Variants in NCAM2 observed in about 807,000 individuals in gnomAD.
The protein encoded by NCAM2 is neural cell adhesion molecule 2.
NCAM2 carries 30 observed loss-of-function variants against 98.1 expected under a neutral mutation model. The ratio of observed to expected loss-of-function variants is 0.31; its 90% CI spans 0.23 to 0.41. The LOEUF (loss-of-function observed/expected upper bound fraction) is 0.41. NCAM2 is among the 10% of genes least tolerant of loss of function. NCAM2 has a pLI of 1.00. For missense variants in NCAM2, 867 were observed against 1,005.8 expected, an observed-to-expected ratio of 0.86 and a Z score of 1.87; for synonymous variants, 368 against 342.4, an observed-to-expected ratio of 1.07 and a Z score of -0.83.
chr21:21,473,673 CTGA>C (rs1399513515), intron 14 of NCAM2, among the ~76,000 whole-genome samples: 1 of 151,712 alleles, frequency 6.6e-6, no homozygotes, highest in East Asian at 1.9e-4. Context: ...TAAAATGATG[CTGA>C]TAATACATTT....
chr21:21,026,830 G>A (rs1282175090), intron 1 of NCAM2, among the ~76,000 whole-genome samples: 15 of 150,104 alleles, frequency 1.0e-4, no homozygotes, highest in African/African-American at 3.7e-4. Flanking sequence ...TTTAACCATG[G>A]CAAATGTTTT....
intron 1 of NCAM2, among the ~76,000 whole-genome samples, chr21:21,162,338 T>G (rs970057818): frequency 7.2e-5 from 11 of 152,220 alleles, no homozygotes; most frequent in African/African-American, 2.4e-4. Context: ...GAAAAATATT[T>G]TTCCTATTAA....
intron 1 of NCAM2, among the ~76,000 whole-genome samples, chr21:21,056,050 G>T (rs1048268168): frequency 8.6e-5 from 13 of 151,716 alleles, no homozygotes; most frequent in Admixed American, 4.6e-4. Flanking sequence ...CTCTCTCTAG[G>T]TAAAGAAATT....
chr21:21,082,479 T>G (rs1195184083), intron 1 of NCAM2, among the ~76,000 whole-genome samples: 2 of 152,152 alleles, frequency 1.3e-5, no homozygotes, highest in Non-Finnish European at 2.9e-5. Flanking sequence ...TAAATTTAGT[T>G]TTAAAAGTAG....
intron 1 of NCAM2, among the ~76,000 whole-genome samples, chr21:21,184,396 A>G (rs1456269423): frequency 1.3e-5 from 2 of 152,120 alleles, no homozygotes; most frequent in Admixed American, 6.6e-5. Flanking sequence ...ACTGTGGAGT[A>G]CATTTTGGTA....
chr21:21,003,195 G>T (rs2064051327), intron 1 of NCAM2, among the ~76,000 whole-genome samples: 1 of 152,114 alleles, frequency 6.6e-6, no homozygotes, highest in Non-Finnish European at 1.5e-5. Flanking sequence ...AGACATTTTA[G>T]AAAGCTGTGA....
chr21:21,194,877 G>C (rs1303055319), intron 1 of NCAM2, among the ~76,000 whole-genome samples: 1 of 152,042 alleles, frequency 6.6e-6, no homozygotes, highest in Non-Finnish European at 1.5e-5. Context: ...CTTTTGCCTA[G>C]AAGTTTGTAC....
chr21:21,033,339 C>T (rs1043510377), intron 1 of NCAM2, among the ~76,000 whole-genome samples: 11 of 152,016 alleles, frequency 7.2e-5, no homozygotes, highest in African/African-American at 2.7e-4. Flanking sequence ...AAATTTGTCC[C>T]CTGAAACTTT....
intron 1 of NCAM2, among the ~76,000 whole-genome samples, chr21:21,162,060 T>C (rs933403846): frequency 1.3e-5 from 2 of 152,114 alleles, no homozygotes; most frequent in Non-Finnish European, 2.9e-5. Context: ...TAGGATCTTA[T>C]TGTGTGTGTC....
chr21:21,206,357 C>T (rs2069437566), intron 1 of NCAM2, among the ~76,000 whole-genome samples: 1 of 152,062 alleles, frequency 6.6e-6, no homozygotes, highest in Admixed American at 6.6e-5. Context: ...AAACAGCCTT[C>T]AAAAACTTAT....
chr21:21,059,462 A>C (rs191007457), intron 1 of NCAM2, among the ~76,000 whole-genome samples: 40 of 152,248 alleles, frequency 2.6e-4, no homozygotes, highest in African/African-American at 9.4e-4. Context: ...GCTGAGTTGT[A>C]TATGCCAAGA....
chr21:21,490,668 T>A (rs1986775018), intron 15 of NCAM2, among the ~76,000 whole-genome samples: 1 of 151,930 alleles, frequency 6.6e-6, no homozygotes, highest in Non-Finnish European at 1.5e-5. Context: ...CTGTTTTAAA[T>A]AGTGTACACA....
chr21:21,220,506 C>A (rs8126840), intron 1 of NCAM2, among the ~76,000 whole-genome samples: 1 of 152,040 alleles, frequency 6.6e-6, no homozygotes, highest in Non-Finnish European at 1.5e-5. Flanking sequence ...CAAATTCTAT[C>A]ATGTCACATA....
At chr21:21,201,906 G>T (rs901102923) in intron 1 of NCAM2, among the ~76,000 whole-genome samples, 3 of 152,052 alleles carry the variant, frequency 2.0e-5, no homozygotes, top group Non-Finnish European at 4.4e-5. Context: ...CAGAAAATAT[G>T]GATGGGTCTC....
chr21:21,265,198 A>G (rs1311498132), intron 1 of NCAM2, among the ~76,000 whole-genome samples: 1 of 123,604 alleles, frequency 8.1e-6, no homozygotes, highest in Non-Finnish European at 1.6e-5. Context: ...ATATGTGTGT[A>G]TGTATGTGTG....
chr21:21,231,153 C>T (rs1166930918), intron 1 of NCAM2, among the ~76,000 whole-genome samples: 1 of 151,106 alleles, frequency 6.6e-6, no homozygotes, highest in Non-Finnish European at 1.5e-5. Context: ...AAGTACAATG[C>T]CAAAAGTACC....
At position 21,521,086 on chromosome 21, in the gene NCAM2, G is replaced by T. The variant is rs370382340; in HGVS notation, c.2282+12031G>T. ...CTGTTTAACCAGAGCCTAACATGGG[G>T]TTTTTAACAGAGCCTAACTGACCCG... is the stretch of plus-strand genomic sequence containing the variant. On this transcript the variant is annotated intron_variant, in intron 16 of 17. Coordinates refer to ENST00000400546, the MANE Select transcript of NCAM2 (RefSeq NM_004540.5). Among the ~76,000 whole-genome samples the T allele has an allele frequency of 2.6e-3, 395 of 152,244 alleles. 1 individual carries two copies. The highest frequency in any genetic ancestry group is 8.3e-3 in the African/African-American group (345 of 41,548).
chr21:21,147,552 G>T (rs2067317117), intron 1 of NCAM2, among the ~76,000 whole-genome samples: 1 of 150,968 alleles, frequency 6.6e-6, no homozygotes, highest in Admixed American at 6.6e-5. Context: ...ATACATACAT[G>T]CCGTGGTATA....
At chr21:21,132,032 G>C (rs77300113) in intron 1 of NCAM2, among the ~76,000 whole-genome samples, 3 of 152,174 alleles carry the variant, frequency 2.0e-5, no homozygotes, top group African/African-American at 7.2e-5. Context: ...CTGGGTGTTA[G>C]CATCTGTTAC....
Sources: gnomAD v4.1 joint callset for allele counts (sites outside exome capture counted in the v4.1 genomes callset) on GRCh38, gnomAD v4.1.1 for gene constraint, MANE v1.5 for transcripts, NCBI Gene and HGNC (gene_info 2026-07-23, HGNC 2026-07-21) for gene names.